Variants in ME2 observed in about 807,000 individuals in gnomAD.
The protein encoded by ME2 is malic enzyme 2.
ME2 carries 60 observed loss-of-function variants against 73.7 expected under a neutral mutation model. The observed-to-expected ratio is 0.81, with a 90% CI of 0.66 to 1.01. The LOEUF is 1.01. Among genes scored for constraint, ME2 ranks in the 50% least tolerant of loss-of-function variants. The probability of loss-of-function intolerance (pLI) is 0.00; values close to 1 mark genes in which losing one functional copy is unlikely to be tolerated. For synonymous variants in ME2, 199 were observed against 236.9 expected (o/e 0.84, Z 1.47); for missense variants, 594 against 705.5 (o/e 0.84, Z 1.79).
chr18:50,908,052 C>G lies in ME2; in HGVS notation c.109-11C>G. 3 of 1,524,098 alleles carry G rather than the reference C, an allele frequency of 2.0e-6. No individual in the cohort carries two copies. The highest frequency in any genetic ancestry group is 2.6e-6 in the Non-Finnish European group (3 of 1,134,470). The allele number at this position is 1,524,098 out of a possible 1,614,324, so 94.4% of individuals were successfully genotyped here. On this transcript the variant is annotated splice_polypyrimidine_tract_variant and intron_variant, in intron 2 of 15. Transcript: ENST00000321341. ...GTAATAATTTTTAATCCTTTTATTT[C>G]TCCTCTTTAGGGAATGGCATTTACT...
At chr18:50,880,995 CTAAT>C (rs1731295743) in intron 1 of ME2, among the ~76,000 whole-genome samples, 1 of 152,144 alleles carries the variant, frequency 6.6e-6, no homozygotes, top group Non-Finnish European at 1.5e-5. Flanking sequence ...GTTAAAAACT[CTAAT>C]TGATTTTGGT....
In ME2 at chr18:50,912,947, C is replaced by G. The variant is rs748172803; in HGVS notation, c.389C>G (p.Pro130Arg). The G allele has an allele frequency of 6.3e-7, 1 of 1,581,550 alleles. No individual in the cohort carries two copies. Among genetic ancestry groups the G allele is most frequent in the Non-Finnish European group, 8.5e-7 (1 of 1,170,046 alleles). The change falls in exon 4 of 16, where the codon CCT becomes CGT. Residue 130 changes from proline (P) to arginine (R), a missense_variant. Pro to Arg is a moderately radical substitution (Grantham distance 103). Coordinates refer to ENST00000321341, the MANE Select transcript of ME2 (RefSeq NM_002396.5). ...CAGTATGGACACATCTTTAGAAGAC[C>G]TAAGTAAGGCTTGTTTAAAAAAAAG... Reference protein sequence around the residue: ...CSQYGHIFRRPKGLFISISDR... With the variant: ...CSQYGHIFRRRKGLFISISDR...
At chr18:50,937,279 T>C (rs1003855412) in intron 13 of ME2, among the ~76,000 whole-genome samples, 4 of 152,216 alleles carry the variant, frequency 2.6e-5, no homozygotes, top group African/African-American at 9.6e-5. Context: ...GGTAATCTGG[T>C]GACTACCCTT....
chr18:50,923,478 G>A (rs1165754548), intron 10 of ME2, among the ~76,000 whole-genome samples: 2 of 152,134 alleles, frequency 1.3e-5, no homozygotes, highest in Non-Finnish European at 2.9e-5. Flanking sequence ...TCAGCCAGGA[G>A]TGGTGGCTCA....
chr18:50,945,745 T>C (rs1262877452), intron 15 of ME2, among the ~76,000 whole-genome samples: 1 of 152,178 alleles, frequency 6.6e-6, no homozygotes, highest in Non-Finnish European at 1.5e-5. Context: ...GAATTTTTTC[T>C]ACCATATGTC....
At chr18:50,890,550 C>T (rs1466113145) in intron 1 of ME2, among the ~76,000 whole-genome samples, 1 of 152,118 alleles carries the variant, frequency 6.6e-6, no homozygotes, top group Non-Finnish European at 1.5e-5. Context: ...TTTTTTTCTT[C>T]CCCAACTTGT....
chr18:50,943,424 C>G (rs924216611), intron 15 of ME2, among the ~76,000 whole-genome samples: 1 of 152,098 alleles, frequency 6.6e-6, no homozygotes, highest in African/African-American at 2.4e-5. Flanking sequence ...CTCAGCCTCC[C>G]GAGTAGCTGG....
chr18:50,925,336 G>A (rs549874405), intron 11 of ME2, among the ~76,000 whole-genome samples: 112 of 152,172 alleles, frequency 7.4e-4, no homozygotes, highest in African/African-American at 2.4e-3. Context: ...AAAATTAGCC[G>A]GGCGTGGTGG....
chr18:50,918,948 T>G (rs1334055723), intron 7 of ME2, among the ~76,000 whole-genome samples: 1 of 152,156 alleles, frequency 6.6e-6, no homozygotes, highest in East Asian at 1.9e-4. Context: ...TCCTTTCCTT[T>G]CCAAACAACC....
chr18:50,899,362 C>G (rs867908596), intron 2 of ME2, among the ~76,000 whole-genome samples: 3 of 152,160 alleles, frequency 2.0e-5, no homozygotes, highest in African/African-American at 7.2e-5. Context: ...CCTGTAGTCC[C>G]AGCACTTTGG....
chr18:50,905,482 C>T (rs1841626598), intron 2 of ME2, among the ~76,000 whole-genome samples: 1 of 152,014 alleles, frequency 6.6e-6, no homozygotes, highest in South Asian at 2.1e-4. Flanking sequence ...TTATTCTGAG[C>T]CAAATATGAG....
intron 1 of ME2, among the ~76,000 whole-genome samples, chr18:50,883,192 C>T (rs184197851): frequency 5.9e-5 from 9 of 152,256 alleles, no homozygotes; most frequent in Admixed American, 5.9e-4. Flanking sequence ...GCCTGGGTGA[C>T]ACAACTGATT....
intron 1 of ME2, among the ~76,000 whole-genome samples, chr18:50,880,140 A>G (rs1367996341): frequency 6.6e-6 from 1 of 152,252 alleles, no homozygotes; most frequent in Non-Finnish European, 1.5e-5. Flanking sequence ...CGATAACAAT[A>G]GTAGCATGTA....
rs554270352 is a variant in ME2 at position 50,954,030 on chromosome 18, T to C, written c.*6846T>C. On this transcript the variant is annotated 3_prime_UTR_variant, in exon 16 of 16. Transcript: ENST00000321341. Reference sequence around the variant, plus strand: ...TGCTTAGCCTTTCACATCTGAGTGTTGATAAGATGACGGAATGGGTAGTCT... The same window carrying C: ...TGCTTAGCCTTTCACATCTGAGTGTCGATAAGATGACGGAATGGGTAGTCT... 6.6e-6 allele frequency: 1 copy of C among 152,212 alleles called. No homozygotes were observed. Among genetic ancestry groups the C allele is most frequent in the Non-Finnish European group, 1.5e-5 (1 of 68,030 alleles). 9.4% of individuals were successfully genotyped at this position (152,212 alleles called of 1,614,324 possible).
rs1917058248 is a variant in ME2, at chr18:50,908,081, C to A, written c.127C>A (p.Gln43Lys). ...RTNKGMAFTL[Q>K]ERQMLGLQGL... ...TCTTTAGGGAATGGCATTTACTTTA[C>A]AAGAACGACAAATGCTTGGTCTTCA... The change falls in exon 3 of 16, where the codon CAA becomes AAA. Residue 43 changes from glutamine to lysine, a missense_variant. By Grantham distance (53) the Gln-to-Lys change is moderately conservative. Coordinates refer to ENST00000321341, the MANE Select transcript of ME2 (RefSeq NM_002396.5). 1 of 1,581,402 alleles carries A rather than the reference C, an allele frequency of 6.3e-7. No individual in the cohort carries two copies. The highest frequency in any genetic ancestry group is 1.2e-5 in the South Asian group (1 of 85,154).
At chr18:50,945,449 AT>A (rs1918061887) in intron 15 of ME2, among the ~76,000 whole-genome samples, 1 of 152,084 alleles carries the variant, frequency 6.6e-6, no homozygotes, top group Non-Finnish European at 1.5e-5. Flanking sequence ...TCAGATCTTT[AT>A]TGCAGTTACC....
At position 50,893,143 on chromosome 18, in the gene ME2, AAAAAAAAAAC is replaced by A. The variant is rs1195961987; in HGVS notation, c.-12-2664_-12-2655del. On this transcript the variant is annotated intron_variant, in intron 1 of 15. Coordinates refer to ENST00000321341, the MANE Select transcript of ME2 (RefSeq NM_002396.5). ...CTATCTCAAAAAAAAAAAAAAAAAA[AAAAAAAAAAC>A]ACCTTTAAATTTGCTTCAATACTTA... Among the ~76,000 whole-genome samples the A allele has an allele frequency of 1.0e-3, 154 of 150,044 alleles. 1 individual carries two copies. Among genetic ancestry groups the A allele is most frequent in the Middle Eastern group, 6.9e-3 (2 of 290 alleles).
chr18:50,934,705 A>G (rs1052960621), intron 13 of ME2: 1 of 152,114 alleles, frequency 6.6e-6, no homozygotes, highest in African/African-American at 2.4e-5. Context: ...AAGCAGGAGG[A>G]TTGGCTGAAA....
At chr18:50,913,860 T>TATACACAGACACACAC (rs112137080) in intron 4 of ME2, among the ~76,000 whole-genome samples, 1 of 143,178 alleles carries the variant, frequency 7.0e-6, no homozygotes, top group Non-Finnish European at 1.5e-5. Flanking sequence ...AGCAATATTA[T>TATACACAGACACACAC]ACACACACAC....
Sources: gnomAD v4.1 joint callset for allele counts (sites outside exome capture counted in the v4.1 genomes callset) on GRCh38, gnomAD v4.1.1 for gene constraint, MANE v1.5 for transcripts, NCBI Gene and HGNC (gene_info 2026-07-23, HGNC 2026-07-21) for gene names.